Variants in DOCK1 observed in about 807,000 individuals in gnomAD.
DOCK1 encodes dedicator of cytokinesis protein 1.
Under a neutral mutation model 262.7 loss-of-function variants are expected in DOCK1, and 138 were observed. That is an observed-to-expected ratio of 0.53 (90% CI 0.46 to 0.61). The LOEUF is 0.61. Ranked by LOEUF, DOCK1 falls within the 20% of genes least tolerant of loss-of-function variation. The probability of loss-of-function intolerance (pLI) is 0.00; values close to 1 mark genes in which losing one functional copy is unlikely to be tolerated. For missense variants in DOCK1, 1,908 were observed against 2,370.7 expected, an observed-to-expected ratio of 0.80 and a Z score of 4.05; for synonymous variants, 866 against 867.4, an observed-to-expected ratio of 1.00 and a Z score of 0.03.
At chr10:127,404,851 A>C (rs2067427300) in intron 40 of DOCK1, among the ~76,000 whole-genome samples, 1 of 152,010 alleles carries the variant, frequency 6.6e-6, no homozygotes, top group Non-Finnish European at 1.5e-5. Context: ...CGAACTCCCC[A>C]TTCTCCCTCC....
chr10:126,919,468 G>A lies in DOCK1; in HGVS notation c.46+13905G>A, dbSNP rs571849978. 9.9e-5 allele frequency among the ~76,000 whole-genome samples: 15 copies of A among 152,254 alleles called. No homozygotes were observed. The East Asian group carries it at 1.2e-3, about 12-fold the overall frequency. On this transcript the variant is annotated intron_variant, in intron 1 of 51. Coordinates refer to ENST00000623213, the MANE Select transcript of DOCK1 (RefSeq NM_001290223.2). ...GAATCGTCCTGTTCCTCCAGGCACCGTGGCCAAGTGGCCAGATTTCTTCAC... is the reference window on the plus strand; with the variant it reads ...GAATCGTCCTGTTCCTCCAGGCACCATGGCCAAGTGGCCAGATTTCTTCAC...
At chr10:127,404,509 G>A in intron 40 of DOCK1, 80 bp downstream of exon 40, 1 of 1,398,012 alleles carries the variant, frequency 7.2e-7, no homozygotes. Context: ...GGAAGGGTGG[G>A]GAGTTTGCAT....
intron 1 of DOCK1, among the ~76,000 whole-genome samples, chr10:126,933,117 A>G (rs923795674): frequency 0.25 from 37,619 of 151,858 alleles, 4,979 homozygotes; most frequent in African/African-American, 0.34. Context: ...GAGGCTGCCA[A>G]TGTGGCAGGG....
At chr10:127,316,610 T>C (rs1406825182) in intron 29 of DOCK1, among the ~76,000 whole-genome samples, 1 of 152,222 alleles carries the variant, frequency 6.6e-6, no homozygotes, top group Non-Finnish European at 1.5e-5. Flanking sequence ...GTGATGCCTT[T>C]ATTTTATTTT....
intron 19 of DOCK1, among the ~76,000 whole-genome samples, chr10:127,038,289 T>C (rs1228866848): frequency 2.0e-5 from 3 of 152,174 alleles, no homozygotes; most frequent in Non-Finnish European, 4.4e-5. Context: ...AGAGTGCTTC[T>C]TGGCTTCTGG....
chr10:127,110,438 A>C, intron 25 of DOCK1, 84 bp downstream of exon 25: 14 of 1,265,442 alleles, frequency 1.1e-5, no homozygotes, highest in Non-Finnish European at 1.6e-5. Flanking sequence ...TCTTCTTGAC[A>C]AAAGGAGTAG....
At chr10:127,093,315 G>A (rs1461020000) in intron 23 of DOCK1, among the ~76,000 whole-genome samples, 1 of 133,376 alleles carries the variant, frequency 7.5e-6, no homozygotes, top group Admixed American at 8.5e-5. Context: ...GCGTGATCTC[G>A]GCTCACTGCA....
intron 23 of DOCK1, among the ~76,000 whole-genome samples, chr10:127,068,800 T>TACACAC (rs142740686): frequency 1.3e-5 from 2 of 151,632 alleles, no homozygotes; most frequent in Non-Finnish European, 2.9e-5. Context: ...CTCATGTGTA[T>TACACAC]ACACACACAC....
rs776616886 is a variant in DOCK1, at chr10:127,000,307, G to A, written c.985G>A (p.Val329Met). 6.2e-7 allele frequency: 1 copy of A among 1,613,520 alleles called. No homozygotes were observed. ...SGLRRPFGVA[V>M]MDVTDIINGK... is the part of the protein sequence containing the mutation. ...GTTGCGGCGACCTTTTGGAGTGGCT[G>A]GTAATCTATTTCTCTGTGTTTCCTT... Residue 329 changes from valine to methionine, a missense_variant and splice_region_variant, in exon 10 of 52, where the codon GTG becomes ATG. Physicochemically the swap from Val to Met is conservative, Grantham distance 21 (BLOSUM62 1). Coordinates refer to ENST00000623213, the MANE Select transcript of DOCK1 (RefSeq NM_001290223.2).
chr10:127,314,674 C>T (rs1205269669), intron 29 of DOCK1, among the ~76,000 whole-genome samples: 1 of 152,284 alleles, frequency 6.6e-6, no homozygotes, highest in East Asian at 1.9e-4. Context: ...GTAAGAAGAG[C>T]CACCCAATCC....
At chr10:127,342,240 G>A (rs2135750248) in intron 30 of DOCK1, among the ~76,000 whole-genome samples, 1 of 152,288 alleles carries the variant, frequency 6.6e-6, no homozygotes, top group East Asian at 1.9e-4. Context: ...AGTGATTCCT[G>A]CCGGTGCTGT....
At chr10:127,009,445 T>G (rs2041266574) in intron 11 of DOCK1, among the ~76,000 whole-genome samples, 1 of 152,158 alleles carries the variant, frequency 6.6e-6, no homozygotes, top group South Asian at 2.1e-4. Flanking sequence ...GGCGTTTATT[T>G]CCCTCGTGTG....
chr10:127,086,787 A>G (rs780104529), intron 23 of DOCK1, among the ~76,000 whole-genome samples: 1 of 152,206 alleles, frequency 6.6e-6, no homozygotes, highest in Non-Finnish European at 1.5e-5. Flanking sequence ...GTAAAAAGTT[A>G]GTGTAAAATA....
At chr10:127,413,336 C>T (rs79303140) in intron 43 of DOCK1, among the ~76,000 whole-genome samples, 8,338 of 152,198 alleles carry the variant, frequency 0.055, 745 homozygotes, top group African/African-American at 0.18. Context: ...CCCTAATGGC[C>T]CTGTTGAGGT....
intron 30 of DOCK1, 96 bp downstream of exon 30, chr10:127,339,180 C>T (rs918478648): frequency 9.2e-7 from 1 of 1,082,088 alleles, no homozygotes; most frequent in Non-Finnish European, 1.4e-6. Flanking sequence ...AATCCTTGAA[C>T]TTAATTGGTC....
intron 37 of DOCK1, among the ~76,000 whole-genome samples, chr10:127,384,239 A>T (rs2065980712): frequency 6.6e-6 from 1 of 152,186 alleles, no homozygotes. Context: ...TCTTCAGCTC[A>T]CACGCCGACT....
intron 11 of DOCK1, among the ~76,000 whole-genome samples, chr10:127,011,487 A>G (rs1244954393): frequency 3.9e-5 from 6 of 152,118 alleles, no homozygotes; most frequent in African/African-American, 1.2e-4. Flanking sequence ...CATGCTGTCT[A>G]TTTTCTTGCT....
intron 31 of DOCK1, among the ~76,000 whole-genome samples, chr10:127,347,673 C>T (rs2063696457): frequency 6.6e-6 from 1 of 150,750 alleles, no homozygotes; most frequent in Non-Finnish European, 1.5e-5. Context: ...TTGATGCATG[C>T]ACCTGTCTGT....
chr10:127,394,937 C>T (rs1160174095), intron 38 of DOCK1, among the ~76,000 whole-genome samples: 1 of 152,198 alleles, frequency 6.6e-6, no homozygotes, highest in African/African-American at 2.4e-5. Flanking sequence ...CCCACAGGTG[C>T]AGGAGTGATG....
Sources: allele counts gnomAD v4.1 joint callset (sites outside exome capture counted in the v4.1 genomes callset), GRCh38; gene constraint gnomAD v4.1.1; transcripts MANE v1.5; gene names NCBI Gene and HGNC (gene_info 2026-07-23, HGNC 2026-07-21).